Variants in TRIM14 observed in about 807,000 individuals in gnomAD.
TRIM14 encodes tripartite motif-containing protein 14.
In TRIM14, 28 loss-of-function variants were observed where a neutral mutation model predicts 44.5. The ratio of observed to expected loss-of-function variants is 0.63; its 90% CI spans 0.47 to 0.86. TRIM14 has a LOEUF of 0.86. Ranked by LOEUF, TRIM14 falls within the 40% of genes least tolerant of loss-of-function variation. TRIM14 has a pLI of 0.00. For synonymous variants in TRIM14, 299 were observed against 269.2 expected (o/e 1.11, Z -1.08); for missense variants, 607 against 611.1 (o/e 0.99, Z 0.07).
chr9:98,040,902 G>A, the TRIM14 span, among the ~76,000 whole-genome samples: 521 of 152,170 alleles, frequency 3.4e-3, 6 homozygotes, highest in African/African-American at 0.011. Flanking sequence ...TGATCCACCC[G>A]CCTCGGCCTC....
the TRIM14 span, chr9:98,060,839 C>T: frequency 9.9e-6 from 16 of 1,614,136 alleles, no homozygotes; most frequent in East Asian, 1.1e-4. Flanking sequence ...CAAGTTTAAT[C>T]GGAAAGCCTT....
intron 2 of TRIM14, among the ~76,000 whole-genome samples, chr9:98,101,723 A>G (rs1468970300): frequency 6.6e-6 from 1 of 152,174 alleles, no homozygotes; most frequent in Non-Finnish European, 1.5e-5. Flanking sequence ...CCTGGCCTCA[A>G]AGTTTTAAAT....
chr9:98,047,378 G>C, the TRIM14 span, among the ~76,000 whole-genome samples: 2 of 151,976 alleles, frequency 1.3e-5, no homozygotes, highest in Non-Finnish European at 2.9e-5. Flanking sequence ...TGTGAAAATG[G>C]ACAAATACAG....
rs1182383029 is a variant in TRIM14 at position 98,087,223 on chromosome 9, T to G, written c.*247A>C. On this transcript the variant is annotated 3_prime_UTR_variant, in exon 6 of 6. Transcript: ENST00000341469. Reference sequence around the variant, plus strand: ...AGGAACTGGATTAAAGTAGTGTAAGTGATGGTGGGGTGAGGGTGCGGAGGT... The same window carrying G: ...AGGAACTGGATTAAAGTAGTGTAAGGGATGGTGGGGTGAGGGTGCGGAGGT... 7 of 773,026 alleles carry G rather than the reference T, an allele frequency of 9.1e-6. No homozygotes were observed. Among genetic ancestry groups the G allele is most frequent in the Non-Finnish European group, 1.2e-5 (5 of 415,434 alleles). 47.9% of individuals were successfully genotyped at this position (773,026 alleles called of 1,614,324 possible).
downstream of TRIM14, among the ~76,000 whole-genome samples, chr9:98,068,123 T>C (rs1341516653): frequency 1.3e-5 from 2 of 152,160 alleles, no homozygotes; most frequent in East Asian, 3.9e-4. Context: ...TATTTATATG[T>C]TTAAAAATTT....
rs556510608 is a variant in TRIM14, at chr9:98,114,592, G to C, written c.207+4390C>G. Reference sequence around the variant, plus strand: ...CCGCCTCAGCCTCCCAAAGTGCTGGGATTACAGGCGTGAGCCACCGCACCC... The same window carrying C: ...CCGCCTCAGCCTCCCAAAGTGCTGGCATTACAGGCGTGAGCCACCGCACCC... On this transcript the variant is annotated intron_variant, in intron 1 of 5. Transcript: ENST00000341469. Among the ~76,000 whole-genome samples the C allele has an allele frequency of 9.2e-5, 14 of 152,288 alleles. No homozygotes were observed. In the East Asian group the frequency reaches 2.7e-3, roughly 29 times the overall value.
chr9:98,087,741 G>C lies in TRIM14; in HGVS notation c.1058C>G (p.Ala353Gly). Residue 353 changes from alanine to glycine, a missense_variant, in exon 6 of 6, where the codon GCC (alanine) becomes GGC (glycine). Around this residue, in one of 3 missense-constraint regions of TRIM14, gnomAD observed 356 missense variants for 323.0 expected, o/e 1.10. Coordinates refer to ENST00000341469, the MANE Select transcript of TRIM14 (RefSeq NM_014788.4). ...GGACTGGCGGTTGCAGCCCAGGCGG[G>C]CGGCGGCCGAGGCCCCGCGGCGCCG... ...SLRRRGASAA[A>G]RLGCNRQSWC... is the part of the protein sequence containing the mutation. 1 of 1,566,024 alleles carries C rather than the reference G, an allele frequency of 6.4e-7. No homozygotes were observed. The highest frequency in any genetic ancestry group is 1.2e-5 in the South Asian group (1 of 86,520).
chr9:98,099,093 G>A (rs1396518287), intron 3 of TRIM14, among the ~76,000 whole-genome samples: 1 of 152,084 alleles, frequency 6.6e-6, no homozygotes, highest in African/African-American at 2.4e-5. Context: ...CTGTGACTCA[G>A]CCTTTGAAAT....
intron 1 of TRIM14, among the ~76,000 whole-genome samples, chr9:98,116,534 G>C (rs570037255): frequency 6.6e-6 from 1 of 152,110 alleles, no homozygotes; most frequent in African/African-American, 2.4e-5. Flanking sequence ...TTAGCTGTAA[G>C]GCTTTTAAAA....
At chr9:98,042,185 C>T in the TRIM14 span, among the ~76,000 whole-genome samples, 6 of 148,152 alleles carry the variant, frequency 4.0e-5, no homozygotes, top group South Asian at 6.6e-4. Flanking sequence ...CCCAGCTACT[C>T]GGGAGGCTGA....
At chr9:98,114,536 A>T (rs954519613) in intron 1 of TRIM14, among the ~76,000 whole-genome samples, 1 of 152,086 alleles carries the variant, frequency 6.6e-6, no homozygotes, top group Non-Finnish European at 1.5e-5. Flanking sequence ...GGGTTTCACC[A>T]TGGTCTCGAT....
the TRIM14 span, among the ~76,000 whole-genome samples, chr9:98,039,981 C>T: frequency 6.6e-6 from 1 of 152,146 alleles, no homozygotes; most frequent in South Asian, 2.1e-4. Flanking sequence ...GGTTACAGGA[C>T]CACAGGCACG....
At chr9:98,072,116 T>G (rs928880293) in intron 6 of TRIM14, among the ~76,000 whole-genome samples, 4 of 152,156 alleles carry the variant, frequency 2.6e-5, no homozygotes, top group African/African-American at 4.8e-5. Flanking sequence ...GTGCTCACAC[T>G]CTGTGTGGCT....
At chr9:98,057,902 GTTT>G in the TRIM14 span, among the ~76,000 whole-genome samples, 1 of 93,230 alleles carries the variant, frequency 1.1e-5, no homozygotes, top group Non-Finnish European at 2.0e-5. Flanking sequence ...TTCTCTTACT[GTTT>G]TTTTTTTTTT....
At chr9:98,057,840 T>C in the TRIM14 span, among the ~76,000 whole-genome samples, 1 of 137,252 alleles carries the variant, frequency 7.3e-6, no homozygotes, top group Non-Finnish European at 1.6e-5. Flanking sequence ...TTTATTTATT[T>C]ATTTATCTAT....
At chr9:98,060,982 C>T in the TRIM14 span, 2 of 1,613,660 alleles carry the variant, frequency 1.2e-6, no homozygotes, top group Admixed American at 1.7e-5. Context: ...TCTTCACTGC[C>T]TCTGGCATGG....
In TRIM14 at chr9:98,110,003, G is replaced by A; in HGVS notation, c.208-19C>T. 5 of 1,600,586 alleles carry A rather than the reference G, an allele frequency of 3.1e-6. No individual in the cohort carries two copies. Among genetic ancestry groups the A allele is most frequent in the Non-Finnish European group, 4.3e-6 (5 of 1,168,456 alleles). On this transcript the variant is annotated intron_variant, in intron 1 of 5. Transcript: ENST00000341469. The stretch of plus-strand genomic sequence containing the variant: ...TGAGTTTCTGTACAGGAGGGAGTTA[G>A]GAAAAAAGTCGTAATACTGTCACTT...
chr9:98,049,203 G>A, the TRIM14 span, among the ~76,000 whole-genome samples: 3,619 of 151,732 alleles, frequency 0.024, 140 homozygotes, highest in African/African-American at 0.083. Context: ...TTAGCCAGGC[G>A]TGGTAGCGCA....
chr9:98,054,884 A>G, the TRIM14 span, among the ~76,000 whole-genome samples: 1 of 152,130 alleles, frequency 6.6e-6, no homozygotes, highest in African/African-American at 2.4e-5. Context: ...CACTACCTAC[A>G]CAGCTGATTT....
Sources: gnomAD v4.1 joint callset for allele counts (sites outside exome capture counted in the v4.1 genomes callset) on GRCh38, gnomAD v4.1.1 for gene constraint, gnomAD v4.1.1 regional missense constraint, MANE v1.5 for transcripts, NCBI Gene and HGNC (gene_info 2026-07-23, HGNC 2026-07-21) for gene names.